COMMD10: variants seen among roughly 807,000 people sequenced by gnomAD.
COMMD10 encodes the protein COMM domain-containing protein 10.
Under a neutral mutation model 28.9 loss-of-function variants are expected in COMMD10, and 33 were observed. The ratio of observed to expected loss-of-function variants is 1.14; its 90% CI spans 0.87 to 1.53. The LOEUF (loss-of-function observed/expected upper bound fraction) is 1.53, where lower values mean the gene tolerates loss of function less well. COMMD10 is among the 40% of genes most tolerant of loss of function. The pLI, the probability that COMMD10 is intolerant of heterozygous loss-of-function variation, is 0.00. For synonymous variants in COMMD10, 110 were observed against 81.7 expected (o/e 1.35, Z -1.87); for missense variants, 310 against 233.4 (o/e 1.33, Z -2.14).
intron 5 of COMMD10, among the ~76,000 whole-genome samples, chr5:116,168,436 T>C (rs1342807568): frequency 6.6e-6 from 1 of 152,038 alleles, no homozygotes; most frequent in African/African-American, 2.4e-5. Context: ...GGACAAAAAA[T>C]TAATAAGGAT....
chr5:116,240,977 C>T (rs1749793006), intron 5 of COMMD10, among the ~76,000 whole-genome samples: 1 of 152,070 alleles, frequency 6.6e-6, no homozygotes, highest in Non-Finnish European at 1.5e-5. Context: ...TTTGTTAAAA[C>T]ACACTTGTTT....
chr5:116,137,228 C>A (rs1233033297), intron 5 of COMMD10, among the ~76,000 whole-genome samples: 1 of 151,858 alleles, frequency 6.6e-6, no homozygotes, highest in Non-Finnish European at 1.5e-5. Context: ...TTATTAAGGA[C>A]CACAAACTAC....
Position 116,135,748 on chromosome 5 carries a change from G to A in COMMD10, c.510+1570G>A, listed in dbSNP as rs569317443. On this transcript the variant is annotated intron_variant, in intron 5 of 6. Coordinates refer to ENST00000274458, the MANE Select transcript of COMMD10 (RefSeq NM_016144.4). ...AACTTTATCATAGGTTTGTATATAT[G>A]GGAAAAAACAGTATATATTGGGTTT... 1.1e-4 allele frequency among the ~76,000 whole-genome samples: 16 copies of A among 152,186 alleles called. No individual in the cohort carries two copies. In the East Asian group the frequency reaches 3.1e-3, roughly 29 times the overall value.
chr5:116,174,821 G>T (rs1350119900), intron 5 of COMMD10, among the ~76,000 whole-genome samples: 2 of 152,110 alleles, frequency 1.3e-5, no homozygotes, highest in Non-Finnish European at 2.9e-5. Flanking sequence ...AAAGCTAACA[G>T]TTGTCCTTGA....
chr5:116,266,113 T>C (rs1750578948), intron 5 of COMMD10, among the ~76,000 whole-genome samples: 1 of 151,534 alleles, frequency 6.6e-6, no homozygotes, highest in South Asian at 2.1e-4. Context: ...TTTTGTCAAG[T>C]GAAGTTAATT....
At chr5:116,242,883 G>T (rs992956682) in intron 5 of COMMD10, among the ~76,000 whole-genome samples, 3 of 152,128 alleles carry the variant, frequency 2.0e-5, no homozygotes, top group Non-Finnish European at 4.4e-5. Flanking sequence ...CTTCAAAAAA[G>T]AAATGCATTT....
chr5:116,154,175 T>C (rs1349910400), intron 5 of COMMD10, among the ~76,000 whole-genome samples: 1 of 152,122 alleles, frequency 6.6e-6, no homozygotes, highest in Non-Finnish European at 1.5e-5. Flanking sequence ...TCATTTTCTG[T>C]CAGTGCCAGA....
At chr5:116,236,270 G>C (rs1184223893) in intron 5 of COMMD10, among the ~76,000 whole-genome samples, 1 of 152,042 alleles carries the variant, frequency 6.6e-6, no homozygotes, top group Non-Finnish European at 1.5e-5. Flanking sequence ...TTGGGAAGCT[G>C]AGGTGGGTGG....
chr5:116,121,943 T>A (rs1751448913), intron 4 of COMMD10, among the ~76,000 whole-genome samples: 4 of 152,238 alleles, frequency 2.6e-5, no homozygotes, highest in Admixed American at 1.3e-4. Context: ...GCCTGTTCAC[T>A]CTGATGGTAG....
chr5:116,253,579 G>C (rs1181009309), intron 5 of COMMD10, among the ~76,000 whole-genome samples: 1 of 137,228 alleles, frequency 7.3e-6, no homozygotes, highest in Non-Finnish European at 1.6e-5. Flanking sequence ...CTTTGGCTCT[G>C]TTTATATGCT....
intron 5 of COMMD10, among the ~76,000 whole-genome samples, chr5:116,280,763 AAAT>A (rs1751047380): frequency 6.6e-6 from 1 of 151,890 alleles, no homozygotes; most frequent in Non-Finnish European, 1.5e-5. Flanking sequence ...GATTGTCAAC[AAAT>A]AATAATAGAG....
At chr5:116,122,475 G>T (rs990656206) in intron 4 of COMMD10, among the ~76,000 whole-genome samples, 57 of 152,244 alleles carry the variant, frequency 3.7e-4, no homozygotes, top group Admixed American at 9.1e-4. Flanking sequence ...GCTCTTTTTT[G>T]GTTCCATATG....
intron 4 of COMMD10, among the ~76,000 whole-genome samples, chr5:116,111,750 G>C (rs1192806446): frequency 2.6e-5 from 4 of 152,144 alleles, no homozygotes; most frequent in African/African-American, 9.7e-5. Flanking sequence ...TTATTCTGCA[G>C]TTGTTGGATA....
At chr5:116,123,573 G>A (rs1751516438) in intron 4 of COMMD10, among the ~76,000 whole-genome samples, 1 of 152,170 alleles carries the variant, frequency 6.6e-6, no homozygotes, top group South Asian at 2.1e-4. Context: ...TCAAGATGAT[G>A]CTGGCCTCAT....
chr5:116,290,159 A>G (rs994086410), intron 5 of COMMD10, among the ~76,000 whole-genome samples: 1 of 151,788 alleles, frequency 6.6e-6, no homozygotes, highest in Non-Finnish European at 1.5e-5. Context: ...TGCTTTTCTC[A>G]GAACTTTAGG....
intron 5 of COMMD10, among the ~76,000 whole-genome samples, chr5:116,266,721 A>C (rs895010484): frequency 2.0e-5 from 3 of 151,868 alleles, no homozygotes; most frequent in African/African-American, 7.3e-5. Context: ...AACTGAATCC[A>C]GCAGCACATC....
At chr5:116,137,090 C>T (rs1396275060) in intron 5 of COMMD10, among the ~76,000 whole-genome samples, 1 of 152,064 alleles carries the variant, frequency 6.6e-6, no homozygotes, top group Non-Finnish European at 1.5e-5. Flanking sequence ...TACCTCTTTT[C>T]CTCAATGAAC....
chr5:116,197,857 C>G (rs113377919), intron 5 of COMMD10, among the ~76,000 whole-genome samples: 1 of 152,084 alleles, frequency 6.6e-6, no homozygotes, highest in African/African-American at 2.4e-5. Flanking sequence ...ACATGACTTG[C>G]CTAGGTTATA....
intron 5 of COMMD10, among the ~76,000 whole-genome samples, chr5:116,174,558 G>A (rs1354209203): frequency 3.3e-5 from 5 of 152,148 alleles, no homozygotes; most frequent in African/African-American, 1.2e-4. Context: ...GTCACGAGAT[G>A]GTAGTGGTTT....
Sources: allele counts gnomAD v4.1 joint callset (sites outside exome capture counted in the v4.1 genomes callset), GRCh38; gene constraint gnomAD v4.1.1; transcripts MANE v1.5; gene names NCBI Gene and HGNC (gene_info 2026-07-23, HGNC 2026-07-21).